The following PCDH15 variants were observed in gnomAD, a reference collection of about 807,000 sequenced individuals.
PCDH15 encodes protocadherin related 15, also known as protocadherin-15.
Under a neutral mutation model 178.5 loss-of-function variants are expected in PCDH15, and 129 were observed. The ratio of observed to expected loss-of-function variants is 0.72; its 90% CI spans 0.63 to 0.84. The LOEUF is 0.84. Ranked by LOEUF, PCDH15 falls within the 40% of genes least tolerant of loss-of-function variation. The pLI is 0.00. For synonymous variants in PCDH15, 800 were observed against 732.0 expected (o/e 1.09, Z -1.50); for missense variants, 2,230 against 2,099.9 (o/e 1.06, Z -1.21).
intron 2 of PCDH15, among the ~76,000 whole-genome samples, chr10:54,574,053 T>G (rs1452128500): frequency 6.6e-6 from 1 of 152,082 alleles, no homozygotes; most frequent in Non-Finnish European, 1.5e-5. Context: ...GTCAATTTTG[T>G]CTTTTGTTGC....
chr10:55,474,163 G>A (rs909691355), intron 2 of PCDH15, among the ~76,000 whole-genome samples: 5 of 152,124 alleles, frequency 3.3e-5, no homozygotes, highest in Non-Finnish European at 7.4e-5. Context: ...CATTAACTAT[G>A]AAATTGGGTA....
intron 3 of PCDH15, among the ~76,000 whole-genome samples, chr10:54,473,136 G>A (rs981907181): frequency 2.6e-5 from 4 of 151,932 alleles, no homozygotes; most frequent in Non-Finnish European, 4.4e-5. Context: ...ATTAAGAGCC[G>A]GAAAATGGTA....
intron 1 of PCDH15, among the ~76,000 whole-genome samples, chr10:55,210,866 T>TA (rs1450641374): frequency 6.6e-6 from 1 of 151,866 alleles, no homozygotes; most frequent in Non-Finnish European, 1.5e-5. Flanking sequence ...TACCTCGTGA[T>TA]ACGCCCGCCT....
At chr10:54,621,357 ACCT>A (rs577721507) in intron 2 of PCDH15, among the ~76,000 whole-genome samples, 411 of 152,070 alleles carry the variant, frequency 2.7e-3, no homozygotes, top group African/African-American at 8.3e-3. Context: ...ATCTCTGCAT[ACCT>A]CCTCAAGATT....
intron 2 of PCDH15, among the ~76,000 whole-genome samples, chr10:54,604,870 T>C (rs2092682424): frequency 6.6e-6 from 1 of 151,772 alleles, no homozygotes; most frequent in Non-Finnish European, 1.5e-5. Flanking sequence ...CAGGCTTTAA[T>C]TCCTTTCTCC....
rs118020206 is a variant in PCDH15, at chr10:54,188,532, C to T, written c.1306-3264G>A. Reference sequence around the variant, plus strand: ...TTTATTTTACCCTAAAATATCCAGTCAGTATATACCAAAAGTATGATATAT... The same window carrying T: ...TTTATTTTACCCTAAAATATCCAGTTAGTATATACCAAAAGTATGATATAT... On this transcript the variant is annotated intron_variant, in intron 11 of 37. Coordinates refer to ENST00000644397, the MANE Select transcript of PCDH15 (RefSeq NM_001384140.1). 7.9e-3 allele frequency among the ~76,000 whole-genome samples: 1,199 copies of T among 151,796 alleles called. 10 individuals are homozygous for T. Among genetic ancestry groups the T allele is most frequent in the Non-Finnish European group, 0.014 (918 of 67,742 alleles).
intron 8 of PCDH15, among the ~76,000 whole-genome samples, chr10:54,248,898 A>G (rs980958605): frequency 1.2e-4 from 19 of 152,198 alleles, no homozygotes; most frequent in Admixed American, 6.5e-4. Flanking sequence ...ATCTAGAGAC[A>G]TTTTGAGGAG....
At chr10:54,533,040 G>A in intron 2 of PCDH15, among the ~76,000 whole-genome samples, 1 of 152,144 alleles carries the variant, frequency 6.6e-6, no homozygotes, top group East Asian at 1.9e-4. Context: ...GGGAGGCCCT[G>A]AACTGGTAAA....
intron 20 of PCDH15, among the ~76,000 whole-genome samples, chr10:54,002,103 A>T (rs1277002439): frequency 6.7e-6 from 1 of 150,128 alleles, no homozygotes; most frequent in South Asian, 2.1e-4. Flanking sequence ...ACATGTGTAT[A>T]CATACATATG....
At chr10:54,063,188 T>C (rs1374269168) in intron 18 of PCDH15, among the ~76,000 whole-genome samples, 5 of 152,350 alleles carry the variant, frequency 3.3e-5, no homozygotes, top group Admixed American at 6.5e-5. Context: ...GATGTTGCCA[T>C]ACCTCAGACC....
At chr10:54,954,601 G>A (rs1352786096) in intron 2 of PCDH15, among the ~76,000 whole-genome samples, 1 of 151,154 alleles carries the variant, frequency 6.6e-6, no homozygotes, top group Non-Finnish European at 1.5e-5. Flanking sequence ...ATTTCTTAAA[G>A]TCTGATTTAC....
chr10:54,663,692 C>CA (rs11429433), intron 2 of PCDH15, among the ~76,000 whole-genome samples: 51,566 of 144,050 alleles, frequency 0.36, 9,517 homozygotes, highest in African/African-American at 0.48. Context: ...CTATTCTTCC[C>CA]AAAAAAAAAA....
chr10:55,448,063 T>G (rs996652572), intron 2 of PCDH15, among the ~76,000 whole-genome samples: 1 of 152,046 alleles, frequency 6.6e-6, no homozygotes, highest in Non-Finnish European at 1.5e-5. Flanking sequence ...TTTATGGTAC[T>G]ATTCAACATC....
intron 3 of PCDH15, among the ~76,000 whole-genome samples, chr10:54,519,588 C>T (rs1589851488): frequency 2.0e-5 from 3 of 152,246 alleles, no homozygotes; most frequent in African/African-American, 7.2e-5. Context: ...GAAGAACATT[C>T]CATGCTCATG....
At chr10:55,268,786 A>T (rs1355736080) in intron 1 of PCDH15, among the ~76,000 whole-genome samples, 1 of 152,158 alleles carries the variant, frequency 6.6e-6, no homozygotes, top group African/African-American at 2.4e-5. Context: ...CTGGAAATAT[A>T]CCAGAATTCA....
intron 2 of PCDH15, among the ~76,000 whole-genome samples, chr10:54,577,962 G>A (rs1394380174): frequency 6.6e-6 from 1 of 151,970 alleles, no homozygotes; most frequent in African/African-American, 2.4e-5. Flanking sequence ...AGACCATGTC[G>A]AATTAAGTTA....
intron 3 of PCDH15, among the ~76,000 whole-genome samples, chr10:54,869,670 G>C (rs547309398): frequency 6.6e-6 from 1 of 152,256 alleles, no homozygotes; most frequent in Non-Finnish European, 1.5e-5. Context: ...GAAGAAATAA[G>C]ATAATGGACA....
chr10:53,823,643 G>A (rs540454190), intron 32 of PCDH15: 6 of 496,806 alleles, frequency 1.2e-5, no homozygotes, highest in Non-Finnish European at 2.3e-5. Flanking sequence ...TTTTTTTTCA[G>A]CTAGTGTGAT....
intron 5 of PCDH15, among the ~76,000 whole-genome samples, chr10:54,353,647 T>G (rs1565054463): frequency 1.4e-5 from 2 of 147,714 alleles, no homozygotes; most frequent in African/African-American, 5.3e-5. Flanking sequence ...TTGCTCAACT[T>G]AATGTTTTTT....
Sources: gnomAD v4.1 joint callset for allele counts (sites outside exome capture counted in the v4.1 genomes callset) on GRCh38, gnomAD v4.1.1 for gene constraint, MANE v1.5 for transcripts, NCBI Gene and HGNC (gene_info 2026-07-23, HGNC 2026-07-21) for gene names.